PEBP4: variants seen among roughly 807,000 people sequenced by gnomAD.
The protein encoded by PEBP4 is phosphatidylethanolamine-binding protein 4.
A neutral mutation model predicts 23.9 loss-of-function variants in PEBP4; 22 were observed. That is an observed-to-expected ratio of 0.92 (90% CI 0.66 to 1.31). PEBP4 has a LOEUF of 1.31. PEBP4 is among the 40% of genes most tolerant of loss of function. The probability of loss-of-function intolerance (pLI) is 0.00; values close to 1 mark genes in which losing one functional copy is unlikely to be tolerated. For synonymous variants in PEBP4, 112 were observed against 99.3 expected, an observed-to-expected ratio of 1.13 and a Z score of -0.76; for missense variants, 324 against 281.7, an observed-to-expected ratio of 1.15 and a Z score of -1.07.
intron 3 of PEBP4, among the ~76,000 whole-genome samples, chr8:22,836,957 A>G (rs1221526734): frequency 6.6e-6 from 1 of 152,124 alleles, no homozygotes; most frequent in Non-Finnish European, 1.5e-5. Flanking sequence ...AATCAGACAA[A>G]TATCTCTATC....
intron 6 of PEBP4, among the ~76,000 whole-genome samples, chr8:22,719,412 G>A (rs553888426): frequency 2.6e-5 from 4 of 152,320 alleles, no homozygotes; most frequent in Admixed American, 1.3e-4. Flanking sequence ...TGAGGTGACC[G>A]AGGTGTGGTG....
intron 3 of PEBP4, among the ~76,000 whole-genome samples, chr8:22,837,890 CTTTTTT>C (rs746772591): frequency 4.6e-5 from 3 of 64,566 alleles, no homozygotes; most frequent in Admixed American, 2.1e-4. Context: ...TTATTATATT[CTTTTTT>C]TTTTTTTTTT....
At chr8:22,833,655 T>C (rs1807134957) in intron 3 of PEBP4, among the ~76,000 whole-genome samples, 1 of 152,208 alleles carries the variant, frequency 6.6e-6, no homozygotes, top group African/African-American at 2.4e-5. Flanking sequence ...CAGCACTCTC[T>C]TGTCCTTGAG....
chr8:22,777,401 T>C lies in PEBP4; in HGVS notation c.357+40236A>G, dbSNP rs112013372. On this transcript the variant is annotated intron_variant, in intron 4 of 6. Transcript: ENST00000256404. ...GCCCTTCTAAGCTGTGAGAGTGACC[T>C]GGGCTGGAGCCCAGGGTGGGCCTGG... is the stretch of plus-strand genomic sequence containing the variant. Among the ~76,000 whole-genome samples the C allele has an allele frequency of 8.5e-5, 13 of 152,234 alleles. 1 individual carries two copies. Among genetic ancestry groups the C allele is most frequent in the African/African-American group, 2.9e-4 (12 of 41,540 alleles).
At chr8:22,780,450 GCA>G (rs1805891754) in intron 4 of PEBP4, among the ~76,000 whole-genome samples, 1 of 152,064 alleles carries the variant, frequency 6.6e-6, no homozygotes, top group Non-Finnish European at 1.5e-5. Flanking sequence ...CCCTCCCTAA[GCA>G]CACACAGTAG....
At chr8:22,757,501 G>A (rs1054510560) in intron 4 of PEBP4, 2 of 152,388 alleles carry the variant, frequency 1.3e-5, no homozygotes, top group African/African-American at 4.8e-5. Flanking sequence ...GTCCCATAGG[G>A]GTGAAGGACA....
chr8:22,734,768 C>A (rs1278394148), intron 4 of PEBP4, among the ~76,000 whole-genome samples: 1 of 152,026 alleles, frequency 6.6e-6, no homozygotes, highest in Non-Finnish European at 1.5e-5. Context: ...GTGGATAAGA[C>A]AAGGGAGGGG....
chr8:22,778,031 C>T (rs143510805), intron 4 of PEBP4, among the ~76,000 whole-genome samples: 2 of 152,248 alleles, frequency 1.3e-5, no homozygotes, highest in Non-Finnish European at 2.9e-5. Context: ...ATGGGACCCG[C>T]GAGGCAGAAG....
Position 22,870,219 on chromosome 8 carries a change from A to G in PEBP4, c.258+49965T>C, listed in dbSNP as rs1419578298. Among the ~76,000 whole-genome samples the G allele has an allele frequency of 2.0e-5, 3 of 152,246 alleles. No individual in the cohort carries two copies. The East Asian group carries it at 5.8e-4, about 29-fold the overall frequency. ...ATGTCAATGAATGGTTAAATGCACC[A>G]TGGCACATCCATGCAATGAAATATT... On this transcript the variant is annotated intron_variant, in intron 3 of 6. Coordinates refer to ENST00000256404, the MANE Select transcript of PEBP4 (RefSeq NM_144962.3).
intron 4 of PEBP4, among the ~76,000 whole-genome samples, chr8:22,770,013 C>T (rs1270830521): frequency 2.6e-5 from 4 of 152,254 alleles, no homozygotes; most frequent in Non-Finnish European, 4.4e-5. Flanking sequence ...TTGTCCACCC[C>T]GCCGCCTATG....
At chr8:22,830,526 TG>T (rs1428197953) in intron 3 of PEBP4, among the ~76,000 whole-genome samples, 1 of 152,198 alleles carries the variant, frequency 6.6e-6, no homozygotes, top group Non-Finnish European at 1.5e-5. Flanking sequence ...AAACCAGAGC[TG>T]TCCTCTGAGA....
intron 4 of PEBP4, among the ~76,000 whole-genome samples, chr8:22,776,045 C>A (rs1805808139): frequency 2.6e-5 from 4 of 152,210 alleles, no homozygotes; most frequent in African/African-American, 4.8e-5. Context: ...CTGCCTGGGG[C>A]AGGCACCATT....
At chr8:22,858,302 A>G (rs188314004) in intron 3 of PEBP4, among the ~76,000 whole-genome samples, 34 of 152,342 alleles carry the variant, frequency 2.2e-4, no homozygotes, top group Admixed American at 1.6e-3. Context: ...GTTTTTAGCA[A>G]CGTGGCTTAA....
Position 22,775,866 on chromosome 8 carries a change from G to T in PEBP4, c.357+41771C>A, listed in dbSNP as rs1299686479. On this transcript the variant is annotated intron_variant, in intron 4 of 6. Coordinates refer to ENST00000256404, the MANE Select transcript of PEBP4 (RefSeq NM_144962.3). This position sits in a 1 kb window ranked among gnomAD's most constrained non-coding sequence, Gnocchi z 4.8. ...AGGATTGCCCGACTCCTTGGCTCTT[G>T]GGGGGGTTTCCCGTTCTGGAGGCGC... Among the ~76,000 whole-genome samples the T allele has an allele frequency of 6.6e-6, 1 of 152,108 alleles. No individual in the cohort carries two copies. The highest frequency in any genetic ancestry group is 2.1e-4 in the South Asian group (1 of 4,826).
At chr8:22,731,229 C>T (rs547472478) in intron 4 of PEBP4, among the ~76,000 whole-genome samples, 1 of 152,264 alleles carries the variant, frequency 6.6e-6, no homozygotes, top group African/African-American at 2.4e-5. Flanking sequence ...CCTCCTGTTG[C>T]ACCTCCTCCA....
intron 4 of PEBP4, among the ~76,000 whole-genome samples, chr8:22,736,922 G>A (rs937691892): frequency 1.3e-5 from 2 of 152,138 alleles, no homozygotes; most frequent in African/African-American, 4.8e-5. Flanking sequence ...GTCTTCTTAT[G>A]TGATTTTAAA....
At chr8:22,838,973 C>G (rs1389101984) in intron 3 of PEBP4, among the ~76,000 whole-genome samples, 1 of 152,146 alleles carries the variant, frequency 6.6e-6, no homozygotes, top group African/African-American at 2.4e-5. Context: ...CATCTGTTCT[C>G]TGAAATAATT....
intron 4 of PEBP4, among the ~76,000 whole-genome samples, chr8:22,743,577 G>T (rs763079549): frequency 6.6e-6 from 1 of 152,142 alleles, no homozygotes; most frequent in South Asian, 2.1e-4. Flanking sequence ...AAGCCCCTCC[G>T]GAGCTGCCTT....
intron 3 of PEBP4, among the ~76,000 whole-genome samples, chr8:22,841,965 G>T (rs967191971): frequency 6.6e-6 from 1 of 152,234 alleles, no homozygotes; most frequent in Non-Finnish European, 1.5e-5. Context: ...TAAGAAACGG[G>T]CAAGAGAGAG....
Sources: gnomAD v4.1 joint callset for allele counts (sites outside exome capture counted in the v4.1 genomes callset) on GRCh38, gnomAD v4.1.1 for gene constraint, Gnocchi (gnomAD v3.1) non-coding constraint, MANE v1.5 for transcripts, NCBI Gene and HGNC (gene_info 2026-07-23, HGNC 2026-07-21) for gene names.